ETV2: variants seen among roughly 807,000 people sequenced by gnomAD.
ETV2 encodes ETS translocation variant 2.
A neutral mutation model predicts 35.7 loss-of-function variants in ETV2; 34 were observed. The ratio of observed to expected loss-of-function variants is 0.95; its 90% CI spans 0.72 to 1.27. The LOEUF is 1.27. Among genes scored for constraint, ETV2 ranks in the 50% most tolerant of loss-of-function variants. The probability of loss-of-function intolerance (pLI) is 0.00; values close to 1 mark genes in which losing one functional copy is unlikely to be tolerated. For synonymous variants in ETV2, 207 were observed against 203.9 expected, an observed-to-expected ratio of 1.02 and a Z score of -0.13; for missense variants, 512 against 470.5, an observed-to-expected ratio of 1.09 and a Z score of -0.82.
At position 35,643,071 on chromosome 19, in the gene ETV2, G is replaced by A; in HGVS notation, c.235+26G>A. ...GTGAGTGTGGGGAGAGGCGGTGGGAGGTGGGGACTGGGGTCCCGAGGCACC... is the reference window on the plus strand; with the variant it reads ...GTGAGTGTGGGGAGAGGCGGTGGGAAGTGGGGACTGGGGTCCCGAGGCACC... On this transcript the variant is annotated intron_variant, in intron 4 of 6. Transcript: ENST00000402764. The surrounding 1 kb of genome is among the most constrained non-coding windows in gnomAD (Gnocchi z 5.0). 2 of 1,465,726 alleles carry A rather than the reference G, an allele frequency of 1.4e-6. No homozygotes were observed. The highest frequency in any genetic ancestry group is 4.9e-5 in the East Asian group (2 of 40,940). 90.8% of individuals were successfully genotyped at this position (1,465,726 alleles called of 1,614,324 possible).
At position 35,643,378 on chromosome 19, in the gene ETV2, C is replaced by A; in HGVS notation, c.340C>A (p.Leu114Ile). The A allele has an allele frequency of 1.3e-6, 2 of 1,561,912 alleles. No homozygotes were observed. The highest frequency in any genetic ancestry group is 1.7e-6 in the Non-Finnish European group (2 of 1,155,200). The change falls in exon 5 of 7, where the codon CTC (leucine) becomes ATC (isoleucine). Residue 114 changes from leucine to isoleucine, a missense_variant. Leu to Ile is a conservative substitution (Grantham distance 5, BLOSUM62 2). Transcript: ENST00000402764. The surrounding 1 kb of genome is among the most constrained non-coding windows in gnomAD (Gnocchi z 5.0). ...CTCGCAGACCCTGGGCCCCGCCCCT[C>A]TCGGCCCGGGCCCCATCCCCGCCGC... ...GASQTLGPAP[L>I]GPGPIPAAGS...
In ETV2 at chr19:35,644,429, G is replaced by A. The variant is rs967458888; in HGVS notation, c.828+82G>A. 9.5e-7 allele frequency: 1 copy of A among 1,049,174 alleles called. No individual in the cohort carries two copies. Among genetic ancestry groups the A allele is most frequent in the Non-Finnish European group, 1.4e-6 (1 of 709,122 alleles). 65.0% of individuals were successfully genotyped at this position (1,049,174 alleles called of 1,614,324 possible). A position where few individuals can be genotyped will look rare whatever the true frequency, so the allele number is the denominator to read the frequency against. ...CTCCGCCCAAGGGCTAGGTTCAACC[G>A]CGTAGCCCTCGGCCCCGCCGCTCCC... is the stretch of plus-strand genomic sequence containing the variant. On this transcript the variant is annotated intron_variant, in intron 6 of 6. Coordinates refer to ENST00000402764, the MANE Select transcript of ETV2 (RefSeq NM_014209.4). This position sits in a 1 kb window ranked among gnomAD's most constrained non-coding sequence, Gnocchi z 4.7.
Position 35,643,682 on chromosome 19 carries a change from C to G in ETV2, c.644C>G (p.Thr215Ser). 6.2e-7 allele frequency: 1 copy of G among 1,613,866 alleles called. No homozygotes were observed. Among genetic ancestry groups the G allele is most frequent in the Non-Finnish European group, 8.5e-7 (1 of 1,179,836 alleles). Residue 215 changes from threonine (T) to serine (S), a missense_variant, in exon 5 of 7, where the codon ACC becomes AGC. Physicochemically the swap from Thr to Ser is moderately conservative, Grantham distance 58 (BLOSUM62 1). Coordinates refer to ENST00000402764, the MANE Select transcript of ETV2 (RefSeq NM_014209.4). This position sits in a 1 kb window ranked among gnomAD's most constrained non-coding sequence, Gnocchi z 5.0. ...AAGCGGTACCAGAGCTCAGCTCTCA[C>G]CGTTTGCTCCGAACCGAGCCCGCAG... ...SLKRYQSSAL[T>S]VCSEPSPQSD... is the part of the protein sequence containing the mutation.
chr19:35,643,393 A>G lies in ETV2; in HGVS notation c.355A>G (p.Ile119Val). The G allele has an allele frequency of 6.5e-7, 1 of 1,548,696 alleles. No homozygotes were observed. Among genetic ancestry groups the G allele is most frequent in the Non-Finnish European group, 8.7e-7 (1 of 1,147,994 alleles). The change falls in exon 5 of 7, where the codon ATC becomes GTC. Residue 119 changes from isoleucine to valine, a missense_variant. By Grantham distance (29) the Ile-to-Val change is conservative (BLOSUM62 3). Transcript: ENST00000402764. This position sits in a 1 kb window ranked among gnomAD's most constrained non-coding sequence, Gnocchi z 5.0. ...CCCCGCCCCTCTCGGCCCGGGCCCC[A>G]TCCCCGCCGCCGGCTCCGAAGGCGC... ...LGPAPLGPGP[I>V]PAAGSEGAAG... is the part of the protein sequence containing the mutation.
At position 35,643,089 on chromosome 19, in the gene ETV2, G is replaced by A; in HGVS notation, c.235+44G>A. On this transcript the variant is annotated intron_variant, in intron 4 of 6. Coordinates refer to ENST00000402764, the MANE Select transcript of ETV2 (RefSeq NM_014209.4). This position sits in a 1 kb window ranked among gnomAD's most constrained non-coding sequence, Gnocchi z 5.0. The stretch of plus-strand genomic sequence containing the variant: ...GGTGGGAGGTGGGGACTGGGGTCCC[G>A]AGGCACCGGGGCTAGAGGTGTAGAC... 5.0e-6 allele frequency: 7 copies of A among 1,404,096 alleles called. No individual in the cohort carries two copies. The highest frequency in any genetic ancestry group is 1.4e-5 in the African/African-American group (1 of 69,698). 87.0% of individuals were successfully genotyped at this position (1,404,096 alleles called of 1,614,324 possible).
chr19:35,644,466 A>G lies in ETV2; in HGVS notation c.828+119A>G. 1.1e-6 allele frequency: 1 copy of G among 913,412 alleles called. No homozygotes were observed. Among genetic ancestry groups the G allele is most frequent in the Non-Finnish European group, 1.7e-6 (1 of 595,870 alleles). The allele number at this position is 913,412 out of a possible 1,614,324, so 56.6% of individuals were successfully genotyped here. ...GCCCCGCCGCTCCCCGGCCCACTCG[A>G]GGCCCCGCCCAACCCTTCTCAAACC... is the stretch of plus-strand genomic sequence containing the variant. On this transcript the variant is annotated intron_variant, in intron 6 of 6. Transcript: ENST00000402764. The surrounding 1 kb of genome is among the most constrained non-coding windows in gnomAD (Gnocchi z 4.7).
rs371833362 is a variant in ETV2 at position 35,644,276 on chromosome 19, G to A, written c.757G>A (p.Asp253Asn). 37 of 1,561,988 alleles carry A rather than the reference G, an allele frequency of 2.4e-5. No homozygotes were observed. Among genetic ancestry groups the A allele is most frequent in the East Asian group, 2.2e-4 (9 of 41,574 alleles). Residue 253 changes from aspartate (D) to asparagine (N), a missense_variant, in exon 6 of 7, where the codon GAC becomes AAC. Coordinates refer to ENST00000402764, the MANE Select transcript of ETV2 (RefSeq NM_014209.4). The surrounding 1 kb of genome is among the most constrained non-coding windows in gnomAD (Gnocchi z 4.7). ...GCAGTTCCTCCTGGAGCTGCTCCAC[G>A]ACGGGGCGCGTAGCAGCTGCATCCG... ...LWQFLLELLH[D>N]GARSSCIRWT...
chr19:35,643,218 G>C lies in ETV2; in HGVS notation c.236-56G>C. On this transcript the variant is annotated intron_variant, in intron 4 of 6. Coordinates refer to ENST00000402764, the MANE Select transcript of ETV2 (RefSeq NM_014209.4). This position sits in a 1 kb window ranked among gnomAD's most constrained non-coding sequence, Gnocchi z 5.0. ...GCCAGGGTTGAGAGCTTAGACCCTAGAGTTTTTGAGGGGGCACCTGGGCTC... is the reference window on the plus strand; with the variant it reads ...GCCAGGGTTGAGAGCTTAGACCCTACAGTTTTTGAGGGGGCACCTGGGCTC... 6.5e-7 allele frequency: 1 copy of C among 1,546,272 alleles called. No homozygotes were observed. Among genetic ancestry groups the C allele is most frequent in the East Asian group, 2.4e-5 (1 of 41,506 alleles).
In ETV2 at chr19:35,644,508, C is replaced by T; in HGVS notation, c.829-144C>T. 1.1e-6 allele frequency: 1 copy of T among 942,556 alleles called. No individual in the cohort carries two copies. Among genetic ancestry groups the T allele is most frequent in the South Asian group, 1.6e-5 (1 of 61,162 alleles). 58.4% of individuals were successfully genotyped at this position (942,556 alleles called of 1,614,324 possible). ...TCTCAAACCCAATCTCCCGCCTGTA[C>T]TCCTGCCTCAACCAACCCAGTCTCC... On this transcript the variant is annotated intron_variant, in intron 6 of 6. Transcript: ENST00000402764. The surrounding 1 kb of genome is among the most constrained non-coding windows in gnomAD (Gnocchi z 4.7).
chr19:35,643,832 C>T lies in ETV2; in HGVS notation c.715+79C>T. 1 of 1,581,984 alleles carries T rather than the reference C, an allele frequency of 6.3e-7. No individual in the cohort carries two copies. The highest frequency in any genetic ancestry group is 8.6e-7 in the Non-Finnish European group (1 of 1,168,200). ...ACCCAGGCACCTAAGGGGGCGGGGCCCGGGAGACTGACAGTGAGGGGGCGG... is the reference window on the plus strand; with the variant it reads ...ACCCAGGCACCTAAGGGGGCGGGGCTCGGGAGACTGACAGTGAGGGGGCGG... On this transcript the variant is annotated intron_variant, in intron 5 of 6. Coordinates refer to ENST00000402764, the MANE Select transcript of ETV2 (RefSeq NM_014209.4). The surrounding 1 kb of genome is among the most constrained non-coding windows in gnomAD (Gnocchi z 5.0).
At position 35,643,355 on chromosome 19, in the gene ETV2, C is replaced by G. The variant is rs777828394; in HGVS notation, c.317C>G (p.Ser106Trp). ...CTAWDSWSGA[S>W]QTLGPAPLGP... ...GCCTGGGACTCTTGGAGCGGCGCCT[C>G]GCAGACCCTGGGCCCCGCCCCTCTC... Residue 106 changes from serine to tryptophan, a missense_variant, in exon 5 of 7, where the codon TCG (serine) becomes TGG (tryptophan). Physicochemically the swap from Ser to Trp is radical, Grantham distance 177. Coordinates refer to ENST00000402764, the MANE Select transcript of ETV2 (RefSeq NM_014209.4). This position sits in a 1 kb window ranked among gnomAD's most constrained non-coding sequence, Gnocchi z 5.0. The G allele has an allele frequency of 6.3e-7, 1 of 1,586,676 alleles. No homozygotes were observed. The highest frequency in any genetic ancestry group is 8.6e-7 in the Non-Finnish European group (1 of 1,168,234).
rs1344525557 is a variant in ETV2, at chr19:35,644,273, C to T, written c.754C>T (p.His252Tyr). The stretch of plus-strand genomic sequence containing the variant: ...GTGGCAGTTCCTCCTGGAGCTGCTC[C>T]ACGACGGGGCGCGTAGCAGCTGCAT... ...QLWQFLLELLHDGARSSCIRW... is the reference protein window; with the variant it reads ...QLWQFLLELLYDGARSSCIRW... The change falls in exon 6 of 7, where the codon CAC (histidine) becomes TAC (tyrosine). Residue 252 changes from histidine to tyrosine, a missense_variant. Coordinates refer to ENST00000402764, the MANE Select transcript of ETV2 (RefSeq NM_014209.4). This position sits in a 1 kb window ranked among gnomAD's most constrained non-coding sequence, Gnocchi z 4.7. 1.3e-6 allele frequency: 2 copies of T among 1,562,172 alleles called. No homozygotes were observed. Among genetic ancestry groups the T allele is most frequent in the Non-Finnish European group, 1.7e-6 (2 of 1,152,948 alleles).
In ETV2 at chr19:35,643,162, G is replaced by T; in HGVS notation, c.236-112G>T. The T allele has an allele frequency of 6.8e-7, 1 of 1,463,184 alleles. No individual in the cohort carries two copies. Among genetic ancestry groups the T allele is most frequent in the Non-Finnish European group, 9.2e-7 (1 of 1,083,830 alleles). The allele number at this position is 1,463,184 out of a possible 1,614,324, so 90.6% of individuals were successfully genotyped here. ...AACACCTGCGCCCTCAAGGTGGCAT[G>T]ACCTGGATCCGGGTCAGCCGGGCCC... On this transcript the variant is annotated intron_variant, in intron 4 of 6. Transcript: ENST00000402764. The surrounding 1 kb of genome is among the most constrained non-coding windows in gnomAD (Gnocchi z 5.0).
Position 35,642,393 on chromosome 19 carries a change from C to T in ETV2, c.-27-41C>T. On this transcript the variant is annotated intron_variant, in intron 1 of 6. Coordinates refer to ENST00000402764, the MANE Select transcript of ETV2 (RefSeq NM_014209.4). The surrounding 1 kb of genome is among the most constrained non-coding windows in gnomAD (Gnocchi z 4.4). ...CCCAGACTCCAGGGCCTCCAAGTGTCACCAGCTCACCCATTGCCATCTGGA... is the reference window on the plus strand; with the variant it reads ...CCCAGACTCCAGGGCCTCCAAGTGTTACCAGCTCACCCATTGCCATCTGGA... 1.8e-6 allele frequency: 2 copies of T among 1,122,244 alleles called. No individual in the cohort carries two copies. Among genetic ancestry groups the T allele is most frequent in the Non-Finnish European group, 2.6e-6 (2 of 780,362 alleles). 69.5% of individuals were successfully genotyped at this position (1,122,244 alleles called of 1,614,324 possible). A position where few individuals can be genotyped will look rare whatever the true frequency, so the allele number is the denominator to read the frequency against.
rs746800422 is a variant in ETV2 at position 35,642,481 on chromosome 19, T to C, written c.21T>C (p.Asp7=). The part of the protein sequence containing the change: MDLWNW[D]EASPQEVPPG... ...CATCCATGGACCTGTGGAACTGGGA[T>C]GAGGCATCCCCACAGGAAGTGCCTC... Residue 7 remains aspartate (D), a synonymous_variant, in exon 2 of 7, where the codon GAT becomes GAC. Coordinates refer to ENST00000402764, the MANE Select transcript of ETV2 (RefSeq NM_014209.4). The surrounding 1 kb of genome is among the most constrained non-coding windows in gnomAD (Gnocchi z 4.4). The C allele has an allele frequency of 1.1e-5, 18 of 1,606,664 alleles. No homozygotes were observed. The highest frequency in any genetic ancestry group is 1.5e-5 in the Non-Finnish European group (18 of 1,175,890).
chr19:35,644,494 A>C lies in ETV2; in HGVS notation c.828+147A>C. Reference sequence around the variant, plus strand: ...CCCCGCCCAACCCTTCTCAAACCCAATCTCCCGCCTGTACTCCTGCCTCAA... The same window carrying C: ...CCCCGCCCAACCCTTCTCAAACCCACTCTCCCGCCTGTACTCCTGCCTCAA... On this transcript the variant is annotated intron_variant, in intron 6 of 6. Coordinates refer to ENST00000402764, the MANE Select transcript of ETV2 (RefSeq NM_014209.4). The surrounding 1 kb of genome is among the most constrained non-coding windows in gnomAD (Gnocchi z 4.7). 2 of 903,248 alleles carry C rather than the reference A, an allele frequency of 2.2e-6. No homozygotes were observed. Among genetic ancestry groups the C allele is most frequent in the Non-Finnish European group, 3.4e-6 (2 of 594,598 alleles). 56.0% of individuals were successfully genotyped at this position (903,248 alleles called of 1,614,324 possible).
At position 35,643,159 on chromosome 19, in the gene ETV2, C is replaced by A. The variant is rs1405424510; in HGVS notation, c.235+114C>A. 6.6e-5 allele frequency: 95 copies of A among 1,448,826 alleles called. No homozygotes were observed. Among genetic ancestry groups the A allele is most frequent in the Non-Finnish European group, 8.6e-5 (92 of 1,071,066 alleles). 89.7% of individuals were successfully genotyped at this position (1,448,826 alleles called of 1,614,324 possible). A position where few individuals can be genotyped will look rare whatever the true frequency, so the allele number is the denominator to read the frequency against. On this transcript the variant is annotated intron_variant, in intron 4 of 6. Transcript: ENST00000402764. This position sits in a 1 kb window ranked among gnomAD's most constrained non-coding sequence, Gnocchi z 5.0. ...GAGAACACCTGCGCCCTCAAGGTGG[C>A]ATGACCTGGATCCGGGTCAGCCGGG...
chr19:35,644,440 G>A lies in ETV2; in HGVS notation c.828+93G>A. 1.0e-6 allele frequency: 1 copy of A among 986,964 alleles called. No homozygotes were observed. The highest frequency in any genetic ancestry group is 1.5e-6 in the Non-Finnish European group (1 of 659,610). 61.1% of individuals were successfully genotyped at this position (986,964 alleles called of 1,614,324 possible). A position where few individuals can be genotyped will look rare whatever the true frequency, so the allele number is the denominator to read the frequency against. On this transcript the variant is annotated intron_variant, in intron 6 of 6. Transcript: ENST00000402764. This position sits in a 1 kb window ranked among gnomAD's most constrained non-coding sequence, Gnocchi z 4.7. ...GGCTAGGTTCAACCGCGTAGCCCTC[G>A]GCCCCGCCGCTCCCCGGCCCACTCG...
At position 35,643,077 on chromosome 19, in the gene ETV2, G is replaced by A; in HGVS notation, c.235+32G>A. The stretch of plus-strand genomic sequence containing the variant: ...GTGGGGAGAGGCGGTGGGAGGTGGG[G>A]ACTGGGGTCCCGAGGCACCGGGGCT... On this transcript the variant is annotated intron_variant, in intron 4 of 6. Transcript: ENST00000402764. The surrounding 1 kb of genome is among the most constrained non-coding windows in gnomAD (Gnocchi z 5.0). 1 of 1,453,630 alleles carries A rather than the reference G, an allele frequency of 6.9e-7. No homozygotes were observed. The highest frequency in any genetic ancestry group is 9.4e-7 in the Non-Finnish European group (1 of 1,066,112). 90.0% of individuals were successfully genotyped at this position (1,453,630 alleles called of 1,614,324 possible).
Sources: gnomAD v4.1 joint callset for allele counts on GRCh38, gnomAD v4.1.1 for gene constraint, Gnocchi (gnomAD v3.1) non-coding constraint, MANE v1.5 for transcripts, NCBI Gene and HGNC (gene_info 2026-07-23, HGNC 2026-07-21) for gene names.